LMBR1: variants seen among roughly 807,000 people sequenced by gnomAD.
LMBR1 encodes limb development membrane protein 1.
LMBR1 carries 52 observed loss-of-function variants against 73.9 expected under a neutral mutation model. That is an observed-to-expected ratio of 0.70 (90% CI 0.56 to 0.89). The LOEUF is 0.89. LMBR1 is among the 40% of genes least tolerant of loss of function. The probability of loss-of-function intolerance (pLI) is 0.00; values close to 1 mark genes in which losing one functional copy is unlikely to be tolerated. For missense variants in LMBR1, 539 were observed against 579.8 expected, an observed-to-expected ratio of 0.93 and a Z score of 0.72; for synonymous variants, 215 against 209.4, an observed-to-expected ratio of 1.03 and a Z score of -0.23.
At chr7:156,745,007 C>A (rs770086202) in intron 9 of LMBR1, among the ~76,000 whole-genome samples, 9 of 152,116 alleles carry the variant, frequency 5.9e-5, no homozygotes, top group Admixed American at 3.3e-4. Flanking sequence ...AGTGGGCCCA[C>A]TACATAATCC....
chr7:156,786,822 CTTAAA>C (rs1387720043), intron 5 of LMBR1, among the ~76,000 whole-genome samples: 1 of 152,098 alleles, frequency 6.6e-6, no homozygotes, highest in Non-Finnish European at 1.5e-5. Context: ...TATTATGAAT[CTTAAA>C]TTATAATAAA....
intron 4 of LMBR1, among the ~76,000 whole-genome samples, chr7:156,806,240 C>T (rs1395208315): frequency 1.3e-5 from 2 of 152,094 alleles, no homozygotes; most frequent in Non-Finnish European, 2.9e-5. Context: ...GATGCTATTG[C>T]ATATAAGTGA....
chr7:156,859,234 G>A (rs1382462221), intron 1 of LMBR1, among the ~76,000 whole-genome samples: 1 of 113,910 alleles, frequency 8.8e-6, no homozygotes, highest in African/African-American at 3.4e-5. Context: ...GGCAACAAAA[G>A]TGAAACTCCG....
At chr7:156,749,852 CTAATTTTTG>C (rs1463368051) in intron 9 of LMBR1, among the ~76,000 whole-genome samples, 1 of 151,982 alleles carries the variant, frequency 6.6e-6, no homozygotes, top group Non-Finnish European at 1.5e-5. Context: ...ACCACACCCC[CTAATTTTTG>C]TATTTTTAAT....
intron 15 of LMBR1, among the ~76,000 whole-genome samples, chr7:156,705,633 TAA>T (rs1405682471): frequency 1.3e-5 from 2 of 152,160 alleles, no homozygotes; most frequent in Admixed American, 1.3e-4. Context: ...GAAGGAGAGA[TAA>T]AGTCTTTTGC....
rs747778186 is a variant in LMBR1, at chr7:156,725,460, T to C, written c.1133A>G (p.Lys378Arg). The change falls in exon 14 of 17, where the codon AAG becomes AGG. Residue 378 changes from lysine (K) to arginine (R), a missense_variant. By Grantham distance (26) the Lys-to-Arg change is conservative (BLOSUM62 2). Coordinates refer to ENST00000353442, the MANE Select transcript of LMBR1 (RefSeq NM_022458.4). ...CTTTGTCATAGTTGTGTCATCTTTC[T>C]TGGGAGTAAAGTTTCCAAAAAATCG... ...SLRFFGNFTP[K>R]KDDTTMTKII... 32 of 1,609,540 alleles carry C rather than the reference T, an allele frequency of 2.0e-5. No individual in the cohort carries two copies. In the Middle Eastern group the frequency reaches 8.3e-4, roughly 42 times the overall value.
chr7:156,799,202 A>C (rs1471693963), intron 4 of LMBR1, among the ~76,000 whole-genome samples: 1 of 115,410 alleles, frequency 8.7e-6, no homozygotes, highest in Admixed American at 8.4e-5. Flanking sequence ...ACTCCATCTC[A>C]AAAAAAAAAA....
intron 1 of LMBR1, among the ~76,000 whole-genome samples, chr7:156,877,426 C>T (rs189504741): frequency 6.6e-6 from 1 of 152,238 alleles, no homozygotes. Context: ...AATACCAAAC[C>T]AGGAAAGGAC....
chr7:156,837,243 G>A (rs550777601), intron 1 of LMBR1, among the ~76,000 whole-genome samples: 1 of 151,360 alleles, frequency 6.6e-6, no homozygotes, highest in East Asian at 1.9e-4. Context: ...GCTGAGGCAG[G>A]AGAATCTCTT....
chr7:156,871,472 C>T (rs1320885793), intron 1 of LMBR1, among the ~76,000 whole-genome samples: 1 of 152,178 alleles, frequency 6.6e-6, no homozygotes, highest in Non-Finnish European at 1.5e-5. Context: ...ATACCAAAGC[C>T]AGACAAAGAA....
chr7:156,795,557 CTTG>C (rs1320736595), intron 5 of LMBR1, among the ~76,000 whole-genome samples: 1 of 152,214 alleles, frequency 6.6e-6, no homozygotes, highest in Non-Finnish European at 1.5e-5. Flanking sequence ...CTCCTTTCTT[CTTG>C]TTGTTTATTC....
chr7:156,892,892 C>G, intron 1 of LMBR1, 36 bp downstream of exon 1: 6 of 1,413,298 alleles, frequency 4.2e-6, no homozygotes, highest in Non-Finnish European at 5.6e-6. Context: ...CGGGCGGGCA[C>G]GCGGGACTGT....
At chr7:156,676,596 C>T (rs147256143), downstream of LMBR1, 1 of 1,614,180 alleles carries the variant, frequency 6.2e-7, no homozygotes. Flanking sequence ...AGACAGGCCT[C>T]CTTTCCATGC....
chr7:156,824,155 G>GA (rs1171233800), intron 4 of LMBR1, among the ~76,000 whole-genome samples: 2 of 151,586 alleles, frequency 1.3e-5, no homozygotes, highest in African/African-American at 4.8e-5. Context: ...CGCGCGCGCT[G>GA]AAAAAATGTG....
rs75811559 is a variant in LMBR1 at position 156,815,532 on chromosome 7, A to G, written c.319+11073T>C. Among the ~76,000 whole-genome samples, 3 of 152,216 alleles carry G rather than the reference A, an allele frequency of 2.0e-5. No homozygotes were observed. In the East Asian group the frequency reaches 5.8e-4, roughly 29 times the overall value. On this transcript the variant is annotated intron_variant, in intron 4 of 16. Transcript: ENST00000353442. ...TAAAATTCACAAAGCATATATTTAA[A>G]CATCTTTGTGAAACTCAAAATTCCC...
At chr7:156,876,717 G>A (rs1800232007) in intron 1 of LMBR1, among the ~76,000 whole-genome samples, 1 of 152,130 alleles carries the variant, frequency 6.6e-6, no homozygotes, top group Non-Finnish European at 1.5e-5. Context: ...GCTCCTGAGT[G>A]ATCATTGGGT....
chr7:156,888,203 G>C (rs1356474410), intron 1 of LMBR1, among the ~76,000 whole-genome samples: 1 of 151,992 alleles, frequency 6.6e-6, no homozygotes, highest in Non-Finnish European at 1.5e-5. Flanking sequence ...GAGGTCAGGA[G>C]ATCAAGACCT....
intron 1 of LMBR1, among the ~76,000 whole-genome samples, chr7:156,876,661 A>G (rs1200642649): frequency 6.6e-6 from 1 of 152,234 alleles, no homozygotes; most frequent in Non-Finnish European, 1.5e-5. Context: ...ATCAACTCCA[A>G]AAAGAACCTT....
chr7:156,810,410 TGA>T (rs774692931), intron 4 of LMBR1, among the ~76,000 whole-genome samples: 1 of 152,130 alleles, frequency 6.6e-6, no homozygotes, highest in Non-Finnish European at 1.5e-5. Flanking sequence ...TCTCTTTTTT[TGA>T]GATAGTGTCT....
Sources: gnomAD v4.1 joint callset for allele counts (sites outside exome capture counted in the v4.1 genomes callset) on GRCh38, gnomAD v4.1.1 for gene constraint, MANE v1.5 for transcripts, NCBI Gene and HGNC (gene_info 2026-07-23, HGNC 2026-07-21) for gene names.